Variants in ZMYND11 observed in about 807,000 individuals in gnomAD.
ZMYND11 encodes zinc finger MYND domain-containing protein 11.
A neutral mutation model predicts 84.9 loss-of-function variants in ZMYND11; 9 were observed. The ratio of observed to expected loss-of-function variants is 0.11; its 90% confidence interval spans 0.06 to 0.18. ZMYND11 has a LOEUF of 0.18. Among genes scored for constraint, ZMYND11 ranks in the 10% least tolerant of loss-of-function variants. The probability of loss-of-function intolerance (pLI) is 1.00; values close to 1 mark genes in which losing one functional copy is unlikely to be tolerated. For missense variants in ZMYND11, 409 were observed against 761.0 expected (o/e 0.54, Z 5.44); for synonymous variants, 250 against 244.1 (o/e 1.02, Z -0.23).
At chr10:197,264 T>G (rs1248096233) in intron 2 of ZMYND11, among the ~76,000 whole-genome samples, 1 of 151,246 alleles carries the variant, frequency 6.6e-6, no homozygotes, top group Non-Finnish European at 1.5e-5. Context: ...TGGAGTGCTT[T>G]TAGTTCATGT....
chr10:164,734 C>G (rs1428157358), intron 1 of ZMYND11, among the ~76,000 whole-genome samples: 1 of 151,996 alleles, frequency 6.6e-6, no homozygotes. Flanking sequence ...TGGAGAATGA[C>G]TTTCTTGAGA....
At chr10:249,794 A>G (rs1208884037) in intron 14 of ZMYND11, 1 of 972,988 alleles carries the variant, frequency 1.0e-6, no homozygotes, top group African/African-American at 1.8e-5. Context: ...TGATAAACTA[A>G]TTCTTCATTT....
At chr10:173,663 T>C (rs1259300116) in intron 1 of ZMYND11, among the ~76,000 whole-genome samples, 1 of 152,062 alleles carries the variant, frequency 6.6e-6, no homozygotes, top group African/African-American at 2.4e-5. Context: ...AGGTTATAGT[T>C]AGCTTTGACT....
intron 4 of ZMYND11, among the ~76,000 whole-genome samples, chr10:236,014 T>C (rs1949900002): frequency 6.6e-6 from 1 of 152,242 alleles, no homozygotes; most frequent in Admixed American, 6.5e-5. Flanking sequence ...GGAAGAATTA[T>C]ACCATTGGGC....
chr10:213,790 A>G (rs559087907), intron 3 of ZMYND11, among the ~76,000 whole-genome samples: 2 of 152,324 alleles, frequency 1.3e-5, no homozygotes, highest in Middle Eastern at 6.8e-3. Context: ...AGTTTTCTCT[A>G]TGCTGCCTAT....
intron 2 of ZMYND11, among the ~76,000 whole-genome samples, chr10:198,938 C>G (rs1304472096): frequency 1.3e-5 from 2 of 152,102 alleles, no homozygotes; most frequent in Admixed American, 6.6e-5. Context: ...GTATGCACAC[C>G]AAGCTCTTTC....
chr10:249,664 G>A (rs1952931908), intron 14 of ZMYND11: 3 of 985,404 alleles, frequency 3.0e-6, no homozygotes, highest in Non-Finnish European at 3.6e-6. Context: ...GCTTCTGAGT[G>A]CACAGGGTCC....
chr10:251,504 C>CACAT (rs1953490158), intron 14 of ZMYND11, among the ~76,000 whole-genome samples: 1 of 152,122 alleles, frequency 6.6e-6, no homozygotes, highest in African/African-American at 2.4e-5. Context: ...TCTCAACAGC[C>CACAT]GTCAGATCTG....
At chr10:192,223 G>A (rs1940631552) in intron 2 of ZMYND11, among the ~76,000 whole-genome samples, 2 of 152,112 alleles carry the variant, frequency 1.3e-5, no homozygotes, top group Non-Finnish European at 2.9e-5. Flanking sequence ...GAAGAATGAG[G>A]CGAGAGCTTA....
At chr10:194,182 G>T (rs1306845666) in intron 2 of ZMYND11, among the ~76,000 whole-genome samples, 1 of 147,884 alleles carries the variant, frequency 6.8e-6, no homozygotes, top group South Asian at 2.2e-4. Flanking sequence ...TAGAGTCGGG[G>T]TTTCTTCATG....
chr10:172,035 A>G (rs1845446329), intron 1 of ZMYND11, among the ~76,000 whole-genome samples: 1 of 152,302 alleles, frequency 6.6e-6, no homozygotes, highest in South Asian at 2.1e-4. Context: ...TTCCAAGATG[A>G]TACTTTATTG....
Position 237,660 on chromosome 10 carries a change from G to A in ZMYND11, c.592G>A (p.Val198Ile), listed in dbSNP as rs749548433. The A allele has an allele frequency of 5.0e-6, 8 of 1,608,984 alleles. No individual in the cohort carries two copies. The South Asian group carries it at 6.7e-5, about 13-fold the overall frequency. ...GAGGCTGGTGCACTCAGCTGTGGAC[G>A]TTCCCACCATTCAAGAGGTAAAGTC... ...YRRLVHSAVD[V>I]PTIQEKVNEG... The change falls in exon 6 of 15, where the codon GTT (valine) becomes ATT (isoleucine). Residue 198 changes from valine (V) to isoleucine (I), a missense_variant. This residue lies in a region of ZMYND11 where 53 missense variants were observed against 71.1 expected (regional missense o/e 0.75). Transcript: ENST00000381604.
At chr10:200,256 A>G (rs1942842088) in intron 2 of ZMYND11, among the ~76,000 whole-genome samples, 1 of 110,184 alleles carries the variant, frequency 9.1e-6, no homozygotes, top group South Asian at 2.7e-4. Context: ...TATATAATAT[A>G]AAATATATAA....
At chr10:234,581 G>C (rs1949599246) in intron 4 of ZMYND11, among the ~76,000 whole-genome samples, 1 of 150,478 alleles carries the variant, frequency 6.6e-6, no homozygotes, top group Non-Finnish European at 1.5e-5. Flanking sequence ...TTATGTCTGA[G>C]TTTAGATAAA....
rs538261363 is a variant in ZMYND11, at chr10:166,643, G to A, written c.-19-13351G>A. Among the ~76,000 whole-genome samples the A allele has an allele frequency of 2.0e-5, 3 of 152,098 alleles. No homozygotes were observed. The South Asian group carries it at 6.2e-4, about 32-fold the overall frequency. On this transcript the variant is annotated intron_variant, in intron 1 of 14. Coordinates refer to ENST00000381604, the MANE Select transcript of ZMYND11 (RefSeq NM_001370100.5). ...TTGGAACACTTGTACATTGCTGTTG[G>A]GATTGTAAAATGGTGCAGCTGCTTA...
intron 2 of ZMYND11, among the ~76,000 whole-genome samples, chr10:180,513 C>T (rs1439551675): frequency 6.6e-6 from 1 of 152,214 alleles, no homozygotes; most frequent in Non-Finnish European, 1.5e-5. Context: ...GATTCTCCAG[C>T]CTCAGCCTCC....
chr10:238,685 G>A (rs777763613), intron 6 of ZMYND11, among the ~76,000 whole-genome samples: 3 of 152,186 alleles, frequency 2.0e-5, no homozygotes, highest in Non-Finnish European at 4.4e-5. Flanking sequence ...AAGAAAGACT[G>A]TGGCTGTATT....
intron 2 of ZMYND11, among the ~76,000 whole-genome samples, chr10:191,561 G>T (rs932280413): frequency 1.3e-5 from 2 of 152,194 alleles, no homozygotes; most frequent in African/African-American, 4.8e-5. Flanking sequence ...TAAAATGGCT[G>T]CAGTGATGAA....
At chr10:162,457 G>C (rs9419497) in intron 1 of ZMYND11, among the ~76,000 whole-genome samples, 6,313 of 151,000 alleles carry the variant, frequency 0.042, 410 homozygotes, top group African/African-American at 0.14. Context: ...TTTTTTTAAA[G>C]AAGCAATACT....
Sources: gnomAD v4.1 joint callset for allele counts (sites outside exome capture counted in the v4.1 genomes callset) on GRCh38, gnomAD v4.1.1 for gene constraint, gnomAD v4.1.1 regional missense constraint, MANE v1.5 for transcripts, NCBI Gene and HGNC (gene_info 2026-07-23, HGNC 2026-07-21) for gene names.